The following PARD3B variants were observed in gnomAD, a reference collection of about 807,000 sequenced individuals.
PARD3B encodes the protein partitioning defective 3 homolog B.
PARD3B carries 103 observed loss-of-function variants against 130.2 expected under a neutral mutation model. The ratio of observed to expected loss-of-function variants is 0.79; its 90% CI spans 0.67 to 0.93. PARD3B has a LOEUF of 0.93. PARD3B is among the 40% of genes least tolerant of loss of function. PARD3B has a pLI of 0.00. For synonymous variants in PARD3B, 583 were observed against 553.2 expected, an observed-to-expected ratio of 1.05 and a Z score of -0.76; for missense variants, 1,609 against 1,499.2, an observed-to-expected ratio of 1.07 and a Z score of -1.21.
At chr2:205,368,138 T>C (rs2105899605) in intron 18 of PARD3B, among the ~76,000 whole-genome samples, 1 of 152,264 alleles carries the variant, frequency 6.6e-6, no homozygotes, top group Admixed American at 6.5e-5. Flanking sequence ...AGAAATACTT[T>C]AAATGGGGGA....
rs769767767 is a variant in PARD3B, at chr2:205,301,941, G to A, written c.2630+240G>A. ...TCAAAGAAAGGTCAACACTATGCCA[G>A]GCACGGTGGCTCATGCCTGTAATCT... is the stretch of plus-strand genomic sequence containing the variant. On this transcript the variant is annotated intron_variant, in intron 18 of 22. Transcript: ENST00000406610. The surrounding 1 kb of genome is among the most constrained non-coding windows in gnomAD (Gnocchi z 5.2). 1 of 716,842 alleles carries A rather than the reference G, an allele frequency of 1.4e-6. No homozygotes were observed. Among genetic ancestry groups the A allele is most frequent in the Non-Finnish European group, 2.5e-6 (1 of 396,912 alleles). The allele number at this position is 716,842 out of a possible 1,614,324, so 44.4% of individuals were successfully genotyped here.
Position 205,253,242 on chromosome 2 carries a change from G to A in PARD3B, c.2185+7420G>A, listed in dbSNP as rs927032811. Reference sequence around the variant, plus strand: ...CGGCATTTACTTCTTGATAACAAGAGTGAGAAGATAGAGACAGGGTAGATA... The same window carrying A: ...CGGCATTTACTTCTTGATAACAAGAATGAGAAGATAGAGACAGGGTAGATA... On this transcript the variant is annotated intron_variant, in intron 16 of 22. Transcript: ENST00000406610. This position sits in a 1 kb window ranked among gnomAD's most constrained non-coding sequence, Gnocchi z 4.4. 2 of 443,970 alleles carry A rather than the reference G, an allele frequency of 4.5e-6. No individual in the cohort carries two copies. The highest frequency in any genetic ancestry group is 9.0e-6 in the Non-Finnish European group (2 of 221,078). 27.5% of individuals were successfully genotyped at this position (443,970 alleles called of 1,614,324 possible). A position where few individuals can be genotyped will look rare whatever the true frequency, so the allele number is the denominator to read the frequency against.
intron 15 of PARD3B, among the ~76,000 whole-genome samples, chr2:205,211,190 A>T (rs970508463): frequency 6.6e-6 from 1 of 152,122 alleles, no homozygotes; most frequent in Non-Finnish European, 1.5e-5. Flanking sequence ...GACATACAGC[A>T]GTGCTGGCTG....
intron 21 of PARD3B, among the ~76,000 whole-genome samples, chr2:205,534,560 C>T (rs1442799113): frequency 3.9e-5 from 6 of 152,138 alleles, no homozygotes; most frequent in African/African-American, 1.4e-4. Context: ...CCTCCACCTC[C>T]TGGGTTCAAG....
chr2:204,551,920 G>A (rs962314641), intron 1 of PARD3B, among the ~76,000 whole-genome samples: 4 of 152,200 alleles, frequency 2.6e-5, no homozygotes, highest in Non-Finnish European at 5.9e-5. Context: ...GTGTAGTGCA[G>A]TAGAACTTTC....
At chr2:204,981,525 A>T (rs1245719825) in intron 3 of PARD3B, among the ~76,000 whole-genome samples, 4 of 152,218 alleles carry the variant, frequency 2.6e-5, no homozygotes, top group Non-Finnish European at 4.4e-5. Context: ...ATATGTGGCT[A>T]TAAAAAAATT....
At chr2:204,680,768 C>T (rs752094653) in intron 1 of PARD3B, among the ~76,000 whole-genome samples, 1 of 151,938 alleles carries the variant, frequency 6.6e-6, no homozygotes, top group Non-Finnish European at 1.5e-5. Context: ...TACTGTATTT[C>T]CTAATTTCCA....
chr2:204,963,903 G>C (rs988277755), intron 2 of PARD3B, among the ~76,000 whole-genome samples: 1 of 152,198 alleles, frequency 6.6e-6, no homozygotes, highest in East Asian at 1.9e-4. Flanking sequence ...CTGGAAATGA[G>C]TAGTCAGTTA....
intron 21 of PARD3B, among the ~76,000 whole-genome samples, chr2:205,540,739 A>G (rs969980035): frequency 9.8e-5 from 15 of 152,372 alleles, no homozygotes; most frequent in African/African-American, 3.6e-4. Flanking sequence ...TTGAGCAGCA[A>G]GAATGACATT....
At chr2:204,647,383 T>G (rs1386963381) in intron 1 of PARD3B, among the ~76,000 whole-genome samples, 1 of 151,922 alleles carries the variant, frequency 6.6e-6, no homozygotes, top group Non-Finnish European at 1.5e-5. Context: ...TTTTTTAATT[T>G]TGTGCCTTGC....
At chr2:205,254,664 A>AT (rs199515695) in intron 16 of PARD3B, among the ~76,000 whole-genome samples, 227 of 128,444 alleles carry the variant, frequency 1.8e-3, no homozygotes, top group Non-Finnish European at 2.3e-3. Context: ...ATTTTATTTT[A>AT]TTTTATTTTT....
intron 18 of PARD3B, among the ~76,000 whole-genome samples, chr2:205,347,573 G>A (rs2043839324): frequency 6.6e-6 from 1 of 152,142 alleles, no homozygotes. Flanking sequence ...GGGTGAAGTG[G>A]ATCAGGAAGA....
In PARD3B at chr2:205,564,010, C is replaced by T. The variant is rs891744932; in HGVS notation, c.3260+10607C>T. 2.0e-5 allele frequency among the ~76,000 whole-genome samples: 3 copies of T among 152,194 alleles called. No homozygotes were observed. Among genetic ancestry groups the T allele is most frequent in the African/African-American group, 7.2e-5 (3 of 41,438 alleles). On this transcript the variant is annotated intron_variant, in intron 22 of 22. Transcript: ENST00000406610. This position sits in a 1 kb window ranked among gnomAD's most constrained non-coding sequence, Gnocchi z 4.6. ...CTGGCAAGTACTTTAAATATGTCAC[C>T]TCATTTATTTCCTGTAACAATCCTG... is the stretch of plus-strand genomic sequence containing the variant.
chr2:204,975,270 G>A (rs1692046094), intron 3 of PARD3B, among the ~76,000 whole-genome samples: 1 of 152,156 alleles, frequency 6.6e-6, no homozygotes, highest in Non-Finnish European at 1.5e-5. Context: ...TGATTCGACA[G>A]TCTTCATTGA....
At chr2:204,704,470 A>G (rs1023878499) in intron 2 of PARD3B, among the ~76,000 whole-genome samples, 6 of 152,186 alleles carry the variant, frequency 3.9e-5, no homozygotes, top group African/African-American at 7.2e-5. Context: ...ATATTCAAAT[A>G]TAAACAATCT....
chr2:204,935,848 T>G (rs1688411294), intron 2 of PARD3B, among the ~76,000 whole-genome samples: 1 of 152,164 alleles, frequency 6.6e-6, no homozygotes, highest in South Asian at 2.1e-4. Context: ...GTTCTGATAA[T>G]TACAGGATTA....
At position 204,781,196 on chromosome 2, in the gene PARD3B, C is replaced by T. The variant is rs72934209; in HGVS notation, c.222+94914C>T. ...TCTTTCCTCTTTTTGTGCATGTTTG[C>T]TTTCAAGGAGAATATAGTGACAAAA... On this transcript the variant is annotated intron_variant, in intron 2 of 22. Transcript: ENST00000406610. Among the ~76,000 whole-genome samples, 1,224 of 152,130 alleles carry T rather than the reference C, an allele frequency of 8.0e-3. 9 individuals are homozygous for T. Among genetic ancestry groups the T allele is most frequent in the Middle Eastern group, 0.034 (10 of 294 alleles).
At chr2:204,722,851 G>A (rs2039059507) in intron 2 of PARD3B, among the ~76,000 whole-genome samples, 1 of 152,018 alleles carries the variant, frequency 6.6e-6, no homozygotes, top group African/African-American at 2.4e-5. Flanking sequence ...TGAAGGCTAT[G>A]CTGTCTGGCT....
rs927798313 is a variant in PARD3B at position 205,291,318 on chromosome 2, C to T, written c.2186-9212C>T. 1.1e-4 allele frequency among the ~76,000 whole-genome samples: 17 copies of T among 152,118 alleles called. No individual in the cohort carries two copies. Among genetic ancestry groups the T allele is most frequent in the Admixed American group, 9.8e-4 (15 of 15,272 alleles). ...AAGAGGAGAGCTGTAAAGAAAGCTT[C>T]GATCTCTGAGTCTTCTTAGATGATA... On this transcript the variant is annotated intron_variant, in intron 16 of 22. Coordinates refer to ENST00000406610, the MANE Select transcript of PARD3B (RefSeq NM_001302769.2). The surrounding 1 kb of genome is among the most constrained non-coding windows in gnomAD (Gnocchi z 4.6).
Sources: gnomAD v4.1 joint callset for allele counts (sites outside exome capture counted in the v4.1 genomes callset) on GRCh38, gnomAD v4.1.1 for gene constraint, Gnocchi (gnomAD v3.1) non-coding constraint, MANE v1.5 for transcripts, NCBI Gene and HGNC (gene_info 2026-07-23, HGNC 2026-07-21) for gene names.